Variants in ITK observed in about 807,000 individuals in gnomAD.
ITK encodes the protein IL2 inducible T cell kinase, also known as tyrosine-protein kinase ITK/TSK.
Under a neutral mutation model 87.6 loss-of-function variants are expected in ITK, and 45 were observed. The ratio of observed to expected loss-of-function variants is 0.51; its 90% CI spans 0.40 to 0.66. ITK has a LOEUF of 0.66. Among genes scored for constraint, ITK ranks in the 30% least tolerant of loss-of-function variants. The pLI is 0.00. For synonymous variants in ITK, 303 were observed against 273.6 expected (o/e 1.11, Z -1.06); for missense variants, 605 against 766.3 (o/e 0.79, Z 2.48).
intron 1 of ITK, among the ~76,000 whole-genome samples, chr5:157,194,598 A>G: frequency 6.6e-6 from 1 of 152,176 alleles, no homozygotes; most frequent in East Asian, 1.9e-4. Context: ...TGCTGAGGCC[A>G]TTTCCATGAC....
chr5:157,207,108 C>A (rs1192696118), intron 1 of ITK, among the ~76,000 whole-genome samples: 1 of 152,048 alleles, frequency 6.6e-6, no homozygotes, highest in Non-Finnish European at 1.5e-5. Flanking sequence ...TAACCATGGT[C>A]ATCTGAAATG....
At chr5:157,221,566 A>C (rs1754414435) in intron 5 of ITK, among the ~76,000 whole-genome samples, 1 of 152,072 alleles carries the variant, frequency 6.6e-6, no homozygotes, top group South Asian at 2.1e-4. Context: ...AATAACCCCC[A>C]TATTCCAAGC....
At chr5:157,229,914 C>CA (rs568113722) in intron 7 of ITK, among the ~76,000 whole-genome samples, 184 of 151,810 alleles carry the variant, frequency 1.2e-3, no homozygotes, top group African/African-American at 4.3e-3. Flanking sequence ...AACTCCATCT[C>CA]AAAAAAAATA....
intron 10 of ITK, chr5:157,240,978 C>A (rs1475921519): frequency 6.7e-6 from 1 of 148,376 alleles, no homozygotes. Flanking sequence ...CGCTCTGTTG[C>A]CCAGGCTGGA....
In ITK at chr5:157,238,101, C is replaced by T. The variant is rs1265385913; in HGVS notation, c.769-8C>T. 6.2e-7 allele frequency: 1 copy of T among 1,608,110 alleles called. No individual in the cohort carries two copies. Among genetic ancestry groups the T allele is most frequent in the Admixed American group, 1.7e-5 (1 of 59,998 alleles). On this transcript the variant is annotated splice_polypyrimidine_tract_variant and splice_region_variant and intron_variant, in intron 8 of 16. Transcript: ENST00000422843. The stretch of plus-strand genomic sequence containing the variant: ...TCACTAACTTTCCATTCTTTCTAAC[C>T]ATTCCAGGGCAAAGAAGGAGCCTTC...
intron 7 of ITK, among the ~76,000 whole-genome samples, chr5:157,231,739 T>C (rs962388182): frequency 6.6e-6 from 1 of 152,228 alleles, no homozygotes; most frequent in South Asian, 2.1e-4. Context: ...ATCATTTATA[T>C]TCTTCTTTAC....
intron 1 of ITK, among the ~76,000 whole-genome samples, chr5:157,187,979 T>A (rs552203794): frequency 5.3e-5 from 8 of 151,964 alleles, no homozygotes; most frequent in South Asian, 2.1e-4. Context: ...AAAAAAAAAA[T>A]TTATAGAGAC....
At chr5:157,200,917 G>A (rs1753957375) in intron 1 of ITK, among the ~76,000 whole-genome samples, 1 of 152,100 alleles carries the variant, frequency 6.6e-6, no homozygotes, top group Non-Finnish European at 1.5e-5. Context: ...AGTGCAAATT[G>A]AGATATGCAC....
chr5:157,239,602 C>T (rs1313385356), intron 9 of ITK, among the ~76,000 whole-genome samples: 1 of 152,122 alleles, frequency 6.6e-6, no homozygotes, highest in African/African-American at 2.4e-5. Flanking sequence ...TCCCAAACAC[C>T]AGCCAAGGGT....
At chr5:157,213,870 G>C (rs1754243693) in intron 3 of ITK, among the ~76,000 whole-genome samples, 1 of 152,166 alleles carries the variant, frequency 6.6e-6, no homozygotes. Context: ...CACCTTTGTA[G>C]AGCCCAGTGT....
At chr5:157,222,767 A>G in intron 5 of ITK, 96 bp from the exon 6 acceptor site, 1 of 1,181,114 alleles carries the variant, frequency 8.5e-7, no homozygotes, top group Admixed American at 1.8e-5. Flanking sequence ...AGTCTACCAG[A>G]GGAAGGCAGA....
intron 1 of ITK, among the ~76,000 whole-genome samples, chr5:157,182,214 T>C (rs1753546883): frequency 1.3e-5 from 2 of 152,206 alleles, no homozygotes; most frequent in Admixed American, 6.5e-5. Flanking sequence ...AAAATAATAT[T>C]AGGTGCCTGA....
At chr5:157,211,844 A>G (rs963771594) in intron 3 of ITK, among the ~76,000 whole-genome samples, 2 of 152,120 alleles carry the variant, frequency 1.3e-5, no homozygotes, top group Non-Finnish European at 2.9e-5. Context: ...TCAGTTTCCC[A>G]TCTGTTTAAA....
chr5:157,194,234 A>C (rs1753809721), intron 1 of ITK, among the ~76,000 whole-genome samples: 1 of 152,050 alleles, frequency 6.6e-6, no homozygotes, highest in Admixed American at 6.6e-5. Context: ...TCTCGCTGCG[A>C]GTTTGTGAAT....
At chr5:157,235,193 C>A (rs1561661582) in intron 8 of ITK, among the ~76,000 whole-genome samples, 1 of 152,130 alleles carries the variant, frequency 6.6e-6, no homozygotes, top group Non-Finnish European at 1.5e-5. Flanking sequence ...TGATCATAAG[C>A]ATCACTGCAG....
chr5:157,194,726 T>G (rs1336751106), intron 1 of ITK, among the ~76,000 whole-genome samples: 2 of 152,242 alleles, frequency 1.3e-5, no homozygotes, highest in African/African-American at 4.8e-5. Context: ...TAATTTATGT[T>G]AGAAATAAGT....
At chr5:157,233,714 G>T (rs1754704564) in intron 8 of ITK, among the ~76,000 whole-genome samples, 1 of 151,906 alleles carries the variant, frequency 6.6e-6, no homozygotes, top group African/African-American at 2.4e-5. Context: ...TGAGTGGAGT[G>T]CAAAATTAGC....
chr5:157,233,014 A>G (rs1754690536), intron 8 of ITK, among the ~76,000 whole-genome samples: 2 of 152,236 alleles, frequency 1.3e-5, no homozygotes, highest in South Asian at 4.1e-4. Flanking sequence ...CAGTGTGCAT[A>G]GCAGGACCGA....
chr5:157,242,426 C>T (rs983916164), intron 11 of ITK, among the ~76,000 whole-genome samples: 1 of 152,144 alleles, frequency 6.6e-6, no homozygotes, highest in Admixed American at 6.5e-5. Context: ...AATGTTGACT[C>T]CTGGCTCCTA....
Sources: gnomAD v4.1 joint callset for allele counts (sites outside exome capture counted in the v4.1 genomes callset) on GRCh38, gnomAD v4.1.1 for gene constraint, MANE v1.5 for transcripts, NCBI Gene and HGNC (gene_info 2026-07-23, HGNC 2026-07-21) for gene names.